The following DERA variants were observed in gnomAD, a reference collection of about 807,000 sequenced individuals.
DERA encodes deoxyribose-phosphate aldolase.
A neutral mutation model predicts 41.1 loss-of-function variants in DERA; 15 were observed. The ratio of observed to expected loss-of-function variants is 0.37; its 90% CI spans 0.24 to 0.56. DERA has a LOEUF of 0.56. Among genes scored for constraint, DERA ranks in the 20% least tolerant of loss-of-function variants. DERA has a pLI of 0.81. For synonymous variants in DERA, 139 were observed against 137.4 expected, an observed-to-expected ratio of 1.01 and a Z score of -0.08; for missense variants, 396 against 403.4, an observed-to-expected ratio of 0.98 and a Z score of 0.16.
rs1259445251 is a variant in DERA, at chr12:16,003,744, G to A, written c.637+21308G>A. On this transcript the variant is annotated intron_variant, in intron 6 of 8. Transcript: ENST00000428559. This position sits in a 1 kb window ranked among gnomAD's most constrained non-coding sequence, Gnocchi z 4.8. ...GTGAGAAGTATTCCTCCTTAGTTGT[G>A]CCTGAGAAGCTCCCAGCTTCCATAA... 1.3e-5 allele frequency among the ~76,000 whole-genome samples: 2 copies of A among 152,122 alleles called. No individual in the cohort carries two copies. Among genetic ancestry groups the A allele is most frequent in the East Asian group, 3.9e-4 (2 of 5,178 alleles).
intron 4 of DERA, among the ~76,000 whole-genome samples, chr12:15,960,454 A>G (rs1948576708): frequency 6.6e-6 from 1 of 151,340 alleles, no homozygotes; most frequent in East Asian, 1.9e-4. Context: ...CCTGGCCAAC[A>G]TGGCAAAACC....
At chr12:15,956,121 G>A (rs952141445) in intron 1 of DERA, among the ~76,000 whole-genome samples, 3 of 152,316 alleles carry the variant, frequency 2.0e-5, no homozygotes, top group Middle Eastern at 3.4e-3. Flanking sequence ...ACAACGAATG[G>A]TTTCACCAGG....
intron 6 of DERA, among the ~76,000 whole-genome samples, chr12:16,023,654 T>G (rs1428183557): frequency 6.6e-6 from 1 of 151,476 alleles, no homozygotes; most frequent in Non-Finnish European, 1.5e-5. Context: ...ATTTTTTGTA[T>G]TTTTAGTAGA....
rs1949123195 is a variant in DERA, at chr12:16,035,829, GACTCT to G, written c.751-400_751-396del. ...AACCTCAAGATGAAGGCTGAGAAGT[GACTCT>G]ACAGGCTTACTTGTGGAAATGTAGA... On this transcript the variant is annotated intron_variant, in intron 7 of 8. Transcript: ENST00000428559. The surrounding 1 kb of genome is among the most constrained non-coding windows in gnomAD (Gnocchi z 4.1). 6.6e-6 allele frequency among the ~76,000 whole-genome samples: 1 copy of G among 152,194 alleles called. No individual in the cohort carries two copies. The highest frequency in any genetic ancestry group is 2.1e-4 in the South Asian group (1 of 4,822).
At chr12:15,933,332 T>A (rs187826978) in intron 1 of DERA, among the ~76,000 whole-genome samples, 98 of 152,348 alleles carry the variant, frequency 6.4e-4, no homozygotes, top group African/African-American at 2.0e-3. Flanking sequence ...GTCATTTTTT[T>A]AAATTATCTG....
At position 15,988,766 on chromosome 12, in the gene DERA, CCCA is replaced by C. The variant is rs1948782620; in HGVS notation, c.637+6337_637+6339del. The stretch of plus-strand genomic sequence containing the variant: ...TTCCTGCCTAGGAACCTGTCTGCCT[CCCA>C]CCACCATCATCATGTTGTCCACGGC... On this transcript the variant is annotated intron_variant, in intron 6 of 8. Coordinates refer to ENST00000428559, the MANE Select transcript of DERA (RefSeq NM_015954.4). The surrounding 1 kb of genome is among the most constrained non-coding windows in gnomAD (Gnocchi z 6.0). Among the ~76,000 whole-genome samples, 1 of 152,140 alleles carries C rather than the reference CCCA, an allele frequency of 6.6e-6. No homozygotes were observed. Among genetic ancestry groups the C allele is most frequent in the South Asian group, 2.1e-4 (1 of 4,828 alleles).
In DERA at chr12:16,010,014, CCT is replaced by C. The variant is rs1035845402; in HGVS notation, c.638-22525_638-22524del. On this transcript the variant is annotated intron_variant, in intron 6 of 8. Transcript: ENST00000428559. The surrounding 1 kb of genome is among the most constrained non-coding windows in gnomAD (Gnocchi z 5.5). ...GAAGTTCTGTGAGAGACAGATAAAACCTCTGTATTAAGTGTGCAGTATAACCT... is the reference window on the plus strand; with the variant it reads ...GAAGTTCTGTGAGAGACAGATAAAACCTGTATTAAGTGTGCAGTATAACCT... Among the ~76,000 whole-genome samples the C allele has an allele frequency of 1.0e-3, 152 of 152,116 alleles. 10 individuals are homozygous for C. The highest frequency in any genetic ancestry group is 2.0e-4 in the Admixed American group (3 of 15,268).
intron 1 of DERA, among the ~76,000 whole-genome samples, chr12:15,955,753 T>C (rs913295244): frequency 6.6e-6 from 1 of 152,200 alleles, no homozygotes; most frequent in African/African-American, 2.4e-5. Flanking sequence ...AGAAAGAATG[T>C]CATCTGTAAA....
rs1948369017 is a variant in DERA at position 15,936,886 on chromosome 12, T to TGTCC, written c.32-20050_32-20049insGTCC. On this transcript the variant is annotated intron_variant, in intron 1 of 8. Transcript: ENST00000428559. The surrounding 1 kb of genome is among the most constrained non-coding windows in gnomAD (Gnocchi z 4.6). The stretch of plus-strand genomic sequence containing the variant: ...TTGTCTTGTCTTGTCTTGTCTTGTC[T>TGTCC]TGTCCTGTCCTGTCCTGTCCTGTCC... Among the ~76,000 whole-genome samples the TGTCC allele has an allele frequency of 7.3e-4, 100 of 136,928 alleles. 1 individual carries two copies. The highest frequency in any genetic ancestry group is 2.8e-3 in the African/African-American group (89 of 31,268). 89.8% of individuals were successfully genotyped at this position (136,928 alleles called of 152,430 possible). A position where few individuals can be genotyped will look rare whatever the true frequency, so the allele number is the denominator to read the frequency against.
At chr12:15,916,497 C>T (rs1240068660) in intron 1 of DERA, among the ~76,000 whole-genome samples, 1 of 142,298 alleles carries the variant, frequency 7.0e-6, no homozygotes, top group South Asian at 2.2e-4. Context: ...GTCACCCAGG[C>T]TGGAGTGCAG....
At chr12:15,964,719 A>G (rs1246998287) in intron 5 of DERA, among the ~76,000 whole-genome samples, 1 of 152,158 alleles carries the variant, frequency 6.6e-6, no homozygotes, top group Non-Finnish European at 1.5e-5. Context: ...GCAATTGTAG[A>G]TGTAGAAATT....
At chr12:16,022,590 G>A (rs1390176835) in intron 6 of DERA, among the ~76,000 whole-genome samples, 1 of 152,112 alleles carries the variant, frequency 6.6e-6, no homozygotes, top group Non-Finnish European at 1.5e-5. Flanking sequence ...AAAGAGCTTG[G>A]AAGTTGTCAC....
chr12:16,015,335 A>C (rs1948973872), intron 6 of DERA, among the ~76,000 whole-genome samples: 1 of 152,170 alleles, frequency 6.6e-6, no homozygotes. Context: ...AGGTGGAGGT[A>C]ATTGAATAAT....
rs560848992 is a variant in DERA at position 15,957,008 on chromosome 12, G to T, written c.104G>T (p.Arg35Leu). Reference protein sequence around the residue: ...VLRRAEQIQARRTVKKEWQAA... With the variant: ...VLRRAEQIQALRTVKKEWQAA... ...AGGCGTGCGGAACAAATCCAGGCTC[G>T]CAGAACCGTGAAAAAGGAGTGGCAG... Residue 35 changes from arginine (R) to leucine (L), a missense_variant, in exon 2 of 9, where the codon CGC (arginine) becomes CTC (leucine). Physicochemically the swap from Arg to Leu is moderately radical, Grantham distance 102 (BLOSUM62 -2). Transcript: ENST00000428559. The surrounding 1 kb of genome is among the most constrained non-coding windows in gnomAD (Gnocchi z 4.8). 5.8e-5 allele frequency: 93 copies of T among 1,613,814 alleles called. No homozygotes were observed. In the South Asian group the frequency reaches 9.6e-4, roughly 17 times the overall value.
rs1948871849 is a variant in DERA, at chr12:16,001,116, C to T, written c.637+18680C>T. Among the ~76,000 whole-genome samples, 1 of 151,958 alleles carries T rather than the reference C, an allele frequency of 6.6e-6. No individual in the cohort carries two copies. Among genetic ancestry groups the T allele is most frequent in the Non-Finnish European group, 1.5e-5 (1 of 68,024 alleles). ...TCATTTTCTGTCCATAAACGCATAC[C>T]CAGGCAGAGCTGATACTCTATTTCT... On this transcript the variant is annotated intron_variant, in intron 6 of 8. Transcript: ENST00000428559. The surrounding 1 kb of genome is among the most constrained non-coding windows in gnomAD (Gnocchi z 4.1).
rs1031492010 is a variant in DERA at position 15,990,772 on chromosome 12, G to T, written c.637+8336G>T. 6.6e-6 allele frequency among the ~76,000 whole-genome samples: 1 copy of T among 152,104 alleles called. No individual in the cohort carries two copies. Among genetic ancestry groups the T allele is most frequent in the Non-Finnish European group, 1.5e-5 (1 of 68,000 alleles). On this transcript the variant is annotated intron_variant, in intron 6 of 8. Transcript: ENST00000428559. This position sits in a 1 kb window ranked among gnomAD's most constrained non-coding sequence, Gnocchi z 4.3. ...CCAGCTCCATCCATGTCCCTGCAAAGGATATGATCTCATTCTTTTTTTATG... is the reference window on the plus strand; with the variant it reads ...CCAGCTCCATCCATGTCCCTGCAAATGATATGATCTCATTCTTTTTTTATG...
chr12:15,993,805 C>A lies in DERA; in HGVS notation c.637+11369C>A, dbSNP rs906369734. 6.6e-6 allele frequency among the ~76,000 whole-genome samples: 1 copy of A among 152,088 alleles called. No individual in the cohort carries two copies. The highest frequency in any genetic ancestry group is 2.4e-5 in the African/African-American group (1 of 41,406). ...TCGCTATCCTTTGTTGAGTGGAAAA[C>A]ACAGAGCTCTGTAGAGGAAAGAAGT... On this transcript the variant is annotated intron_variant, in intron 6 of 8. Coordinates refer to ENST00000428559, the MANE Select transcript of DERA (RefSeq NM_015954.4). This position sits in a 1 kb window ranked among gnomAD's most constrained non-coding sequence, Gnocchi z 4.4.
At chr12:16,027,930 T>C (rs1022670442) in intron 6 of DERA, among the ~76,000 whole-genome samples, 2 of 152,240 alleles carry the variant, frequency 1.3e-5, no homozygotes, top group African/African-American at 4.8e-5. Context: ...CTAGCAGCAG[T>C]GTACAATTGG....
In DERA at chr12:16,001,976, T is replaced by G. The variant is rs1948877976; in HGVS notation, c.637+19540T>G. Among the ~76,000 whole-genome samples, 1 of 152,098 alleles carries G rather than the reference T, an allele frequency of 6.6e-6. No homozygotes were observed. ...TACCAGGCACTTTGTAACAGCAAGG[T>G]TATTCTTTTTTTTTATTATTATTAT... On this transcript the variant is annotated intron_variant, in intron 6 of 8. Transcript: ENST00000428559. This position sits in a 1 kb window ranked among gnomAD's most constrained non-coding sequence, Gnocchi z 4.1.
Sources: gnomAD v4.1 joint callset for allele counts (sites outside exome capture counted in the v4.1 genomes callset) on GRCh38, gnomAD v4.1.1 for gene constraint, Gnocchi (gnomAD v3.1) non-coding constraint, MANE v1.5 for transcripts, NCBI Gene and HGNC (gene_info 2026-07-23, HGNC 2026-07-21) for gene names.